CSMD3: variants seen among roughly 807,000 people sequenced by gnomAD.
CSMD3 encodes the protein CUB and Sushi multiple domains 3.
Under a neutral mutation model 435.2 loss-of-function variants are expected in CSMD3, and 177 were observed. The ratio of observed to expected loss-of-function variants is 0.41; its 90% confidence interval spans 0.36 to 0.46. The LOEUF (loss-of-function observed/expected upper bound fraction) is 0.46. Among genes scored for constraint, CSMD3 ranks in the 20% least tolerant of loss-of-function variants. The probability of loss-of-function intolerance (pLI) is 0.34; values close to 1 mark genes in which losing one functional copy is unlikely to be tolerated. For synonymous variants in CSMD3, 1,656 were observed against 1,520.5 expected, an observed-to-expected ratio of 1.09 and a Z score of -2.07; for missense variants, 4,265 against 4,504.6, an observed-to-expected ratio of 0.95 and a Z score of 1.52.
Position 113,005,011 on chromosome 8 carries a change from A to T in CSMD3, c.1030+14056T>A, listed in dbSNP as rs191564535. Among the ~76,000 whole-genome samples the T allele has an allele frequency of 2.0e-5, 3 of 151,986 alleles. No individual in the cohort carries two copies. In the East Asian group the frequency reaches 5.8e-4, roughly 29 times the overall value. On this transcript the variant is annotated intron_variant, in intron 6 of 70. Transcript: ENST00000297405. ...ATATATACCAAATCTCAAGAGACAT[A>T]TATGTATATAAATGCATATTCCAAA...
rs1812289852 is a variant in CSMD3, at chr8:112,223,010, T to G, written c.*1761A>C. 2.5e-6 allele frequency: 1 copy of G among 398,100 alleles called. No individual in the cohort carries two copies. The highest frequency in any genetic ancestry group is 1.3e-4 in the South Asian group (1 of 7,854). The allele number at this position is 398,100 out of a possible 1,614,324, so 24.7% of individuals were successfully genotyped here. A position where few individuals can be genotyped will look rare whatever the true frequency, so the allele number is the denominator to read the frequency against. Reference sequence around the variant, plus strand: ...CATACTTTTACAAAGTTTCTTTTCATAAAAATATACTTCTTTACAAAAGTG... The same window carrying G: ...CATACTTTTACAAAGTTTCTTTTCAGAAAAATATACTTCTTTACAAAAGTG... On this transcript the variant is annotated 3_prime_UTR_variant, in exon 71 of 71. Coordinates refer to ENST00000297405, the MANE Select transcript of CSMD3 (RefSeq NM_198123.2).
At chr8:112,839,016 A>T (rs2080106049) in intron 11 of CSMD3, among the ~76,000 whole-genome samples, 1 of 151,782 alleles carries the variant, frequency 6.6e-6, no homozygotes, top group Non-Finnish European at 1.5e-5. Flanking sequence ...ATGCATTGCA[A>T]TATTTAATAT....
At chr8:113,280,456 T>C (rs1279773125) in intron 2 of CSMD3, among the ~76,000 whole-genome samples, 1 of 152,022 alleles carries the variant, frequency 6.6e-6, no homozygotes, top group Non-Finnish European at 1.5e-5. Flanking sequence ...TGCGTAGAGG[T>C]GTTCACAGTA....
At chr8:112,688,707 T>A (rs1490901677) in intron 14 of CSMD3, among the ~76,000 whole-genome samples, 1 of 152,076 alleles carries the variant, frequency 6.6e-6, no homozygotes, top group South Asian at 2.1e-4. Context: ...TAAATGTATT[T>A]CCAAGTTAGT....
At chr8:112,829,578 A>C (rs951927943) in intron 12 of CSMD3, 108 bp downstream of exon 12, 17 of 728,034 alleles carry the variant, frequency 2.3e-5, no homozygotes, top group African/African-American at 2.1e-4. Context: ...GTTACTGTGC[A>C]TCTTCTGCTG....
intron 7 of CSMD3, 149 bp downstream of exon 7, chr8:112,975,688 G>C (rs189748634): frequency 8.6e-7 from 1 of 1,159,098 alleles, no homozygotes; most frequent in Non-Finnish European, 1.2e-6. Context: ...AGTTTTGGTT[G>C]TTACTATCCA....
intron 28 of CSMD3, among the ~76,000 whole-genome samples, chr8:112,512,099 C>A (rs1474541174): frequency 6.6e-6 from 1 of 152,140 alleles, no homozygotes; most frequent in African/African-American, 2.4e-5. Flanking sequence ...TCACAGTCAT[C>A]CATGAGGGTT....
intron 27 of CSMD3, chr8:112,538,892 G>A (rs2131122954): frequency 6.6e-6 from 1 of 152,206 alleles, no homozygotes; most frequent in East Asian, 1.9e-4. Flanking sequence ...CAGGAAGATG[G>A]GGGCCACAAA....
chr8:113,115,894 T>C (rs1371854268), intron 4 of CSMD3, among the ~76,000 whole-genome samples: 1 of 152,110 alleles, frequency 6.6e-6, no homozygotes, highest in African/African-American at 2.4e-5. Context: ...ACAGCTCTCA[T>C]AATGGGATTA....
intron 32 of CSMD3, among the ~76,000 whole-genome samples, chr8:112,459,940 C>A (rs1351488445): frequency 6.6e-6 from 1 of 152,120 alleles, no homozygotes; most frequent in Admixed American, 6.6e-5. Context: ...AACAATTACA[C>A]ATTCATTAAG....
intron 31 of CSMD3, among the ~76,000 whole-genome samples, chr8:112,480,372 T>C (rs1819513277): frequency 6.6e-6 from 1 of 152,158 alleles, no homozygotes. Flanking sequence ...TTGAGAACTA[T>C]TAGCAGGGGA....
chr8:112,645,365 G>A, intron 19 of CSMD3, 140 bp from the exon 20 acceptor site: 1 of 700,424 alleles, frequency 1.4e-6, no homozygotes, highest in Non-Finnish European at 2.6e-6. Context: ...TGTGCATGCA[G>A]CACTAGAGAA....
intron 7 of CSMD3, among the ~76,000 whole-genome samples, chr8:112,969,113 C>T (rs1381359801): frequency 6.6e-6 from 1 of 151,824 alleles, no homozygotes; most frequent in Non-Finnish European, 1.5e-5. Flanking sequence ...AGTGTTACAC[C>T]AGTTCTTGAA....
rs1224454350 is a variant in CSMD3, at chr8:112,406,556, G to A, written c.5777C>T (p.Ala1926Val). The change falls in exon 35 of 71, where the codon GCC (alanine) becomes GTC (valine). Residue 1926 changes from alanine (A) to valine (V), a missense_variant. By Grantham distance (64) the Ala-to-Val change is moderately conservative (BLOSUM62 0). Around this residue, in one of 3 missense-constraint regions of CSMD3, gnomAD observed 3,255 missense variants for 3,380.2 expected, o/e 0.96. Transcript: ENST00000297405. ...IRCETVPNSL[A>V]QWNDSLPTCI... ...AGTAGGTAAGGAATCATTCCACTGG[G>A]CCAAAGAATTGGGCACTGTTTCACA... 1.9e-6 allele frequency: 3 copies of A among 1,610,794 alleles called. No homozygotes were observed. Among genetic ancestry groups the A allele is most frequent in the Non-Finnish European group, 2.5e-6 (3 of 1,177,698 alleles).
intron 28 of CSMD3, among the ~76,000 whole-genome samples, chr8:112,514,268 GAC>G (rs1477257864): frequency 5.9e-5 from 9 of 152,084 alleles, no homozygotes; most frequent in African/African-American, 2.2e-4. Context: ...GAAAAGCAGA[GAC>G]ATTATCTGAC....
At chr8:113,022,347 G>C (rs538678897) in intron 5 of CSMD3, among the ~76,000 whole-genome samples, 4 of 151,942 alleles carry the variant, frequency 2.6e-5, no homozygotes, top group African/African-American at 9.7e-5. Context: ...GAAATAGATT[G>C]TACACATTTA....
chr8:113,382,376 A>AG (rs372790408), intron 1 of CSMD3, among the ~76,000 whole-genome samples: 9 of 152,208 alleles, frequency 5.9e-5, no homozygotes, highest in African/African-American at 1.9e-4. Context: ...ATAAGTGATG[A>AG]GTCAGTCTTT....
At chr8:113,058,801 C>T (rs916875015) in intron 5 of CSMD3, among the ~76,000 whole-genome samples, 1 of 151,674 alleles carries the variant, frequency 6.6e-6, no homozygotes, top group African/African-American at 2.4e-5. Context: ...GCTGAAAGAG[C>T]CAAAATTTTA....
At chr8:113,434,811 T>C (rs2094695330) in intron 1 of CSMD3, among the ~76,000 whole-genome samples, 1 of 152,246 alleles carries the variant, frequency 6.6e-6, no homozygotes, top group Admixed American at 6.5e-5. Context: ...GCCGGGGCTC[T>C]AATTGCAGGC....
Sources: allele counts gnomAD v4.1 joint callset (sites outside exome capture counted in the v4.1 genomes callset), GRCh38; gene constraint gnomAD v4.1.1; regional missense constraint gnomAD v4.1.1; transcripts MANE v1.5; gene names NCBI Gene and HGNC (gene_info 2026-07-23, HGNC 2026-07-21).